HIVEP1: variants seen among roughly 807,000 people sequenced by gnomAD.
The protein encoded by HIVEP1 is HIVEP zinc finger 1.
In HIVEP1, 36 loss-of-function variants were observed where a neutral mutation model predicts 180.0. The ratio of observed to expected loss-of-function variants is 0.20; its 90% CI spans 0.15 to 0.26. HIVEP1 has a LOEUF of 0.26. Among genes scored for constraint, HIVEP1 ranks in the 10% least tolerant of loss-of-function variants. The pLI is 1.00. For missense variants in HIVEP1, 3,143 were observed against 3,268.7 expected (o/e 0.96, Z 0.94); for synonymous variants, 1,239 against 1,239.0 (o/e 1.00, Z 0.00).
chr6:12,013,213 C>G (rs993544727), intron 1 of HIVEP1, among the ~76,000 whole-genome samples: 1 of 152,198 alleles, frequency 6.6e-6, no homozygotes, highest in Admixed American at 6.5e-5. Flanking sequence ...TCCATTCCCC[C>G]CCTCCTCCTG....
chr6:12,076,489 G>C (rs1232794030), intron 2 of HIVEP1, among the ~76,000 whole-genome samples: 1 of 152,130 alleles, frequency 6.6e-6, no homozygotes, highest in East Asian at 1.9e-4. Context: ...TCACAGTTCT[G>C]GGGGCTGGGA....
chr6:12,131,364 A>G (rs1407005350), intron 6 of HIVEP1, among the ~76,000 whole-genome samples: 1 of 151,976 alleles, frequency 6.6e-6, no homozygotes, highest in African/African-American at 2.4e-5. Context: ...GTAAACTTCT[A>G]TAATAATTAC....
At chr6:12,210,591 C>T in the HIVEP1 span, among the ~76,000 whole-genome samples, 1 of 152,192 alleles carries the variant, frequency 6.6e-6, no homozygotes, top group Non-Finnish European at 1.5e-5. Context: ...TGTGAAATTG[C>T]TACCTTTCCT....
chr6:12,136,805 G>A (rs1255828465), intron 7 of HIVEP1, among the ~76,000 whole-genome samples: 1 of 152,008 alleles, frequency 6.6e-6, no homozygotes, highest in East Asian at 1.9e-4. Context: ...GAATAAACCT[G>A]TTCATGTGTT....
the HIVEP1 span, among the ~76,000 whole-genome samples, chr6:12,194,741 G>T: frequency 1.3e-5 from 2 of 152,198 alleles, no homozygotes; most frequent in Non-Finnish European, 2.9e-5. Context: ...GGTGGAGGTT[G>T]CAGTGAGCAG....
chr6:12,022,841 G>T (rs1768331725), intron 2 of HIVEP1, among the ~76,000 whole-genome samples: 1 of 152,186 alleles, frequency 6.6e-6, no homozygotes, highest in African/African-American at 2.4e-5. Flanking sequence ...ACTATTCAAA[G>T]GTTGGGATCT....
intron 2 of HIVEP1, among the ~76,000 whole-genome samples, chr6:12,072,815 T>G (rs780495136): frequency 3.3e-5 from 5 of 152,212 alleles, no homozygotes; most frequent in Non-Finnish European, 5.9e-5. Context: ...TTTTAGAGTT[T>G]CTATATCTCT....
At chr6:12,014,152 A>G (rs1767586380) in intron 1 of HIVEP1, among the ~76,000 whole-genome samples, 1 of 152,224 alleles carries the variant, frequency 6.6e-6, no homozygotes, top group African/African-American at 2.4e-5. Flanking sequence ...TCTGATCTTC[A>G]GAGAGGTTAA....
chr6:12,183,801 C>T, the HIVEP1 span, among the ~76,000 whole-genome samples: 5 of 152,050 alleles, frequency 3.3e-5, no homozygotes, highest in African/African-American at 1.2e-4. Flanking sequence ...CCTTGAGATA[C>T]AATATACAAA....
At chr6:12,028,642 C>T (rs1183754474) in intron 2 of HIVEP1, among the ~76,000 whole-genome samples, 1 of 152,120 alleles carries the variant, frequency 6.6e-6, no homozygotes, top group East Asian at 1.9e-4. Flanking sequence ...GAAAGATTAC[C>T]TTTTTCAGTC....
intron 7 of HIVEP1, among the ~76,000 whole-genome samples, chr6:12,144,420 A>T (rs1759237921): frequency 6.6e-6 from 1 of 152,246 alleles, no homozygotes; most frequent in Non-Finnish European, 1.5e-5. Flanking sequence ...CTAAAACCAT[A>T]AAAACCCTAG....
At chr6:12,168,290 CATA>C (rs1760801940), downstream of HIVEP1, among the ~76,000 whole-genome samples, 1 of 68,766 alleles carries the variant, frequency 1.5e-5, no homozygotes, top group Non-Finnish European at 2.9e-5. Flanking sequence ...ATATTATATA[CATA>C]TATACATATA....
At chr6:12,085,318 C>A (rs937178931) in intron 2 of HIVEP1, among the ~76,000 whole-genome samples, 18 of 151,842 alleles carry the variant, frequency 1.2e-4, no homozygotes, top group African/African-American at 4.4e-4. Context: ...GTGGGAGGCA[C>A]CTTCAGGGAA....
intron 4 of HIVEP1, among the ~76,000 whole-genome samples, chr6:12,129,028 G>C (rs1009993854): frequency 6.6e-6 from 1 of 151,986 alleles, no homozygotes; most frequent in Admixed American, 6.6e-5. Context: ...CGGTGCAACA[G>C]AGCAAGACCC....
intron 2 of HIVEP1, among the ~76,000 whole-genome samples, chr6:12,016,193 C>T (rs1767733054): frequency 6.6e-6 from 1 of 152,228 alleles, no homozygotes; most frequent in South Asian, 2.1e-4. Context: ...CAGTGGGTCA[C>T]AAATATATAT....
At chr6:12,017,090 C>T (rs1767821540) in intron 2 of HIVEP1, among the ~76,000 whole-genome samples, 1 of 152,200 alleles carries the variant, frequency 6.6e-6, no homozygotes, top group Non-Finnish European at 1.5e-5. Context: ...AAGTATTAAA[C>T]ATTTTTCATA....
At chr6:12,050,097 C>A (rs1354331405) in intron 2 of HIVEP1, among the ~76,000 whole-genome samples, 1 of 152,308 alleles carries the variant, frequency 6.6e-6, no homozygotes, top group Non-Finnish European at 1.5e-5. Flanking sequence ...CTTGTTCTTA[C>A]ACTGACACCA....
intron 2 of HIVEP1, among the ~76,000 whole-genome samples, chr6:12,078,503 C>T (rs528517894): frequency 2.0e-5 from 3 of 151,574 alleles, no homozygotes; most frequent in African/African-American, 7.3e-5. Context: ...GGAAGGGGAG[C>T]GGCTCGGATT....
the HIVEP1 span, among the ~76,000 whole-genome samples, chr6:12,178,015 G>C: frequency 6.6e-6 from 1 of 152,162 alleles, no homozygotes; most frequent in South Asian, 2.1e-4. Flanking sequence ...GAAGCTATAT[G>C]TTTACTAGGG....
Sources: gnomAD v4.1 joint callset for allele counts (sites outside exome capture counted in the v4.1 genomes callset) on GRCh38, gnomAD v4.1.1 for gene constraint, MANE v1.5 for transcripts, NCBI Gene and HGNC (gene_info 2026-07-23, HGNC 2026-07-21) for gene names.